The following CCDC73 variants were observed in gnomAD, a reference collection of about 807,000 sequenced individuals.
CCDC73 encodes the protein coiled-coil domain containing 73, also known as coiled-coil domain-containing protein 73.
A neutral mutation model predicts 116.5 loss-of-function variants in CCDC73; 95 were observed. The ratio of observed to expected loss-of-function variants is 0.82; its 90% CI spans 0.69 to 0.97. The LOEUF (loss-of-function observed/expected upper bound fraction) is 0.97, where lower values mean the gene tolerates loss of function less well. Among genes scored for constraint, CCDC73 ranks in the 50% least tolerant of loss-of-function variants. CCDC73 has a pLI of 0.00. For missense variants in CCDC73, 1,066 were observed against 1,206.8 expected, an observed-to-expected ratio of 0.88 and a Z score of 1.73; for synonymous variants, 398 against 401.3, an observed-to-expected ratio of 0.99 and a Z score of 0.10.
chr11:32,623,408 G>A (rs927218489), intron 14 of CCDC73, among the ~76,000 whole-genome samples: 19 of 152,136 alleles, frequency 1.2e-4, no homozygotes, highest in African/African-American at 4.3e-4. Flanking sequence ...CCAGACTGGA[G>A]TGCATTGGTG....
intron 12 of CCDC73, 149 bp downstream of exon 12, chr11:32,652,974 A>T (rs141879916): frequency 1.3e-4 from 67 of 517,338 alleles, no homozygotes; most frequent in African/African-American, 1.2e-3. Context: ...GACACTGAAA[A>T]CAAGTTGAAG....
chr11:32,662,041 T>A (rs1013803736), intron 9 of CCDC73, among the ~76,000 whole-genome samples: 7 of 152,350 alleles, frequency 4.6e-5, no homozygotes, highest in Non-Finnish European at 8.8e-5. Context: ...TACATAGTAT[T>A]CCATGGTGTA....
At chr11:32,678,311 A>G (rs556229528) in intron 7 of CCDC73, among the ~76,000 whole-genome samples, 1 of 152,220 alleles carries the variant, frequency 6.6e-6, no homozygotes, top group African/African-American at 2.4e-5. Context: ...ACCAAAGTAC[A>G]GGTAGTAGAG....
chr11:32,800,526 A>G, the CCDC73 span, among the ~76,000 whole-genome samples: 1 of 152,090 alleles, frequency 6.6e-6, no homozygotes, highest in Non-Finnish European at 1.5e-5. Context: ...TTGAGCTTTT[A>G]ATTCAAAATT....
chr11:32,730,553 T>A (rs1850066679), intron 2 of CCDC73, among the ~76,000 whole-genome samples: 1 of 152,224 alleles, frequency 6.6e-6, no homozygotes, highest in African/African-American at 2.4e-5. Flanking sequence ...GTGTTGTTGC[T>A]TTGAATATAA....
intron 14 of CCDC73, among the ~76,000 whole-genome samples, chr11:32,621,816 G>GA (rs1176577207): frequency 6.7e-6 from 1 of 150,280 alleles, no homozygotes; most frequent in Non-Finnish European, 1.5e-5. Flanking sequence ...AAATTTACAA[G>GA]AAAAAAACAA....
intron 12 of CCDC73, among the ~76,000 whole-genome samples, chr11:32,642,535 T>A (rs892185262): frequency 7.2e-5 from 11 of 151,988 alleles, no homozygotes; most frequent in African/African-American, 2.4e-4. Flanking sequence ...TTAACACTTT[T>A]TAAGTATAAC....
chr11:32,777,065 T>C (rs1440431586), intron 1 of CCDC73, among the ~76,000 whole-genome samples: 1 of 143,268 alleles, frequency 7.0e-6, no homozygotes, highest in Non-Finnish European at 1.5e-5. Context: ...AGAAAAAACT[T>C]GACTACTTTC....
the CCDC73 span, among the ~76,000 whole-genome samples, chr11:32,820,656 CAT>C: frequency 6.6e-6 from 1 of 152,170 alleles, no homozygotes; most frequent in Non-Finnish European, 1.5e-5. Flanking sequence ...TATTGAAGTG[CAT>C]TACTATTGCC....
chr11:32,765,910 C>T (rs1386772350), intron 1 of CCDC73, among the ~76,000 whole-genome samples: 1 of 152,204 alleles, frequency 6.6e-6, no homozygotes, highest in Non-Finnish European at 1.5e-5. Context: ...CTTTCTGAAA[C>T]TATTCCAATC....
intron 12 of CCDC73, among the ~76,000 whole-genome samples, chr11:32,644,431 A>G (rs1012439339): frequency 2.0e-5 from 3 of 151,534 alleles, no homozygotes; most frequent in African/African-American, 4.9e-5. Context: ...GACTCAATTT[A>G]CCTATGTAAC....
chr11:32,665,670 T>TGTC (rs1855974191), intron 9 of CCDC73, among the ~76,000 whole-genome samples: 1 of 152,242 alleles, frequency 6.6e-6, no homozygotes, highest in Non-Finnish European at 1.5e-5. Flanking sequence ...TTAAGGTTAA[T>TGTC]ATTGTTATGT....
At chr11:32,681,872 G>T in intron 7 of CCDC73, 1 of 151,718 alleles carries the variant, frequency 6.6e-6, no homozygotes. Flanking sequence ...TTAGAAAAAG[G>T]GGTACTTCTA....
chr11:32,801,505 G>A, the CCDC73 span, among the ~76,000 whole-genome samples: 3 of 152,264 alleles, frequency 2.0e-5, no homozygotes, highest in East Asian at 3.9e-4. Context: ...GCCCGGCGTG[G>A]TGGCACACAC....
chr11:32,727,821 C>T (rs1484910655), intron 2 of CCDC73, among the ~76,000 whole-genome samples: 1 of 152,110 alleles, frequency 6.6e-6, no homozygotes, highest in Non-Finnish European at 1.5e-5. Flanking sequence ...TCACCTGCCT[C>T]GGCCTCCCAA....
Position 32,653,971 on chromosome 11 carries a change from T to C in CCDC73, c.834+7A>G. 2 of 1,596,704 alleles carry C rather than the reference T, an allele frequency of 1.3e-6. No individual in the cohort carries two copies. Among genetic ancestry groups the C allele is most frequent in the Non-Finnish European group, 1.7e-6 (2 of 1,173,590 alleles). ...TACTGGCTTCCAAATAGCTTATGATTGCTTACCTGTTTTTCTTCTTGAATA... is the reference window on the plus strand; with the variant it reads ...TACTGGCTTCCAAATAGCTTATGATCGCTTACCTGTTTTTCTTCTTGAATA... On this transcript the variant is annotated splice_region_variant and intron_variant, in intron 11 of 17. Transcript: ENST00000335185.
the CCDC73 span, among the ~76,000 whole-genome samples, chr11:32,816,297 C>T: frequency 0.075 from 11,369 of 152,184 alleles, 453 homozygotes; most frequent in Non-Finnish European, 0.089. Flanking sequence ...ATCACAATTA[C>T]CTAGGGATTC....
intron 14 of CCDC73, among the ~76,000 whole-genome samples, chr11:32,628,569 C>A (rs1027182044): frequency 1.3e-5 from 2 of 152,178 alleles, no homozygotes; most frequent in Non-Finnish European, 2.9e-5. Flanking sequence ...TACTGAATAA[C>A]TGGGACATTT....
chr11:32,624,128 T>C (rs921996916), intron 14 of CCDC73, among the ~76,000 whole-genome samples: 1 of 150,846 alleles, frequency 6.6e-6, no homozygotes, highest in Non-Finnish European at 1.5e-5. Flanking sequence ...GGTCAGGAGA[T>C]CGAGACCATC....
Sources: allele counts gnomAD v4.1 joint callset (sites outside exome capture counted in the v4.1 genomes callset), GRCh38; gene constraint gnomAD v4.1.1; transcripts MANE v1.5; gene names NCBI Gene and HGNC (gene_info 2026-07-23, HGNC 2026-07-21).